Variants in SEPHS1 observed in about 807,000 individuals in gnomAD.
SEPHS1 encodes zincore component SEPHS1.
A neutral mutation model predicts 39.2 loss-of-function variants in SEPHS1; 7 were observed. The ratio of observed to expected loss-of-function variants is 0.18; its 90% CI spans 0.10 to 0.34. The LOEUF (loss-of-function observed/expected upper bound fraction) is 0.34, where lower values mean the gene tolerates loss of function less well. SEPHS1 is among the 10% of genes least tolerant of loss of function. The pLI is 1.00. For synonymous variants in SEPHS1, 190 were observed against 195.5 expected (o/e 0.97, Z 0.23); for missense variants, 253 against 514.5 (o/e 0.49, Z 4.92).
intron 5 of SEPHS1, among the ~76,000 whole-genome samples, chr10:13,332,161 G>T (rs1352736952): frequency 6.6e-6 from 1 of 152,156 alleles, no homozygotes; most frequent in Non-Finnish European, 1.5e-5. Context: ...ATAAAGCAGG[G>T]TCCATCCATG....
intron 7 of SEPHS1, among the ~76,000 whole-genome samples, chr10:13,324,611 T>A (rs950244348): frequency 2.6e-5 from 4 of 152,156 alleles, no homozygotes; most frequent in African/African-American, 9.7e-5. Context: ...GTATTATCAG[T>A]GTTTTTGGGT....
intron 8 of SEPHS1, among the ~76,000 whole-genome samples, chr10:13,321,296 T>C (rs1833106869): frequency 6.6e-6 from 1 of 151,638 alleles, no homozygotes; most frequent in Non-Finnish European, 1.5e-5. Context: ...GCCCAGGCTG[T>C]AGTGCAGTGG....
chr10:13,346,876 GAA>G (rs1833938130), intron 1 of SEPHS1, among the ~76,000 whole-genome samples: 2 of 152,064 alleles, frequency 1.3e-5, no homozygotes, highest in South Asian at 2.1e-4. Context: ...TTTAAGGGTG[GAA>G]AAAAGTTTAA....
intron 8 of SEPHS1, among the ~76,000 whole-genome samples, chr10:13,319,656 T>C (rs550976599): frequency 3.3e-5 from 5 of 152,238 alleles, no homozygotes; most frequent in African/African-American, 1.2e-4. Context: ...CCTGGCTAAT[T>C]TTCTGTAGAG....
At chr10:13,329,534 GTTAT>G (rs1049009259) in intron 6 of SEPHS1, 160 bp downstream of exon 6, 10 of 532,968 alleles carry the variant, frequency 1.9e-5, no homozygotes, top group African/African-American at 1.5e-4. Flanking sequence ...ATGCAAAACT[GTTAT>G]TTAAAGACTA....
chr10:13,333,401 G>GGGATT (rs1200468159), intron 5 of SEPHS1, among the ~76,000 whole-genome samples: 3 of 151,470 alleles, frequency 2.0e-5, no homozygotes, highest in African/African-American at 7.3e-5. Flanking sequence ...CAAAAGCGCT[G>GGGATT]GGATTACAGG....
chr10:13,347,014 AG>A (rs1308929758), intron 1 of SEPHS1, among the ~76,000 whole-genome samples: 3 of 151,520 alleles, frequency 2.0e-5, no homozygotes, highest in Non-Finnish European at 4.4e-5. Context: ...GGGAAGGGGG[AG>A]GGGGTTCTGG....
At chr10:13,320,162 G>A (rs951994654) in intron 8 of SEPHS1, among the ~76,000 whole-genome samples, 2 of 151,952 alleles carry the variant, frequency 1.3e-5, no homozygotes, top group Admixed American at 1.3e-4. Context: ...AACCTTTGTT[G>A]CTCTTTCCAG....
Position 13,319,119 on chromosome 10 carries a change from C to T in SEPHS1, c.*23G>A, listed in dbSNP as rs767239464. The T allele has an allele frequency of 3.1e-6, 5 of 1,605,588 alleles. No homozygotes were observed. Among genetic ancestry groups the T allele is most frequent in the Non-Finnish European group, 4.3e-6 (5 of 1,175,766 alleles). On this transcript the variant is annotated 3_prime_UTR_variant, in exon 9 of 9. Transcript: ENST00000327347. The stretch of plus-strand genomic sequence containing the variant: ...GAAATAGATCTATTTAAAAACAAAA[C>T]CAAACAGCTATTTCTGTCTAGATTA...
intron 7 of SEPHS1, among the ~76,000 whole-genome samples, chr10:13,326,132 G>A (rs938955941): frequency 6.6e-6 from 1 of 151,912 alleles, no homozygotes; most frequent in Non-Finnish European, 1.5e-5. Context: ...AGCACCATTT[G>A]GTGAAAAGAC....
At chr10:13,322,113 A>G (rs1311454977) in intron 8 of SEPHS1, 4 of 430,140 alleles carry the variant, frequency 9.3e-6, no homozygotes, top group East Asian at 7.1e-5. Flanking sequence ...ATCCTATTGC[A>G]TTCTTTTTTA....
intron 2 of SEPHS1, among the ~76,000 whole-genome samples, chr10:13,341,402 T>C (rs1180159630): frequency 1.3e-5 from 2 of 152,018 alleles, no homozygotes; most frequent in African/African-American, 4.8e-5. Context: ...ACATCCTCCA[T>C]CAGAAAGACA....
At chr10:13,335,137 T>C (rs1164541317) in intron 4 of SEPHS1, among the ~76,000 whole-genome samples, 1 of 152,210 alleles carries the variant, frequency 6.6e-6, no homozygotes, top group African/African-American at 2.4e-5. Context: ...CCTGTCTATC[T>C]AAATAGGAAT....
At chr10:13,347,762 C>A (rs1027508221) in intron 1 of SEPHS1, among the ~76,000 whole-genome samples, 1 of 145,062 alleles carries the variant, frequency 6.9e-6, no homozygotes, top group South Asian at 2.1e-4. Context: ...GCCCTCCCTC[C>A]CTCCTTCCCC....
intron 2 of SEPHS1, among the ~76,000 whole-genome samples, chr10:13,341,716 G>A (rs570870332): frequency 6.6e-6 from 1 of 152,222 alleles, no homozygotes; most frequent in Non-Finnish European, 1.5e-5. Context: ...CAGCACTTTG[G>A]GAGGCCGAGG....
In SEPHS1 at chr10:13,338,732, G is replaced by A; in HGVS notation, c.270C>T (p.Tyr90=). Residue 90 remains tyrosine, a synonymous_variant, in exon 3 of 9, where the codon TAC becomes TAT. Transcript: ENST00000327347. ...LSLVQTTDYI[Y]PIVDDPYMMG... ...TCATGTAAGGGTCGTCTACGATCGG[G>A]TAAATGTAATCTGTGGTTTGAACCA... The A allele has an allele frequency of 1.2e-6, 2 of 1,614,100 alleles. No individual in the cohort carries two copies. The highest frequency in any genetic ancestry group is 1.7e-6 in the Non-Finnish European group (2 of 1,179,926).
chr10:13,333,762 G>C (rs1344591885), intron 5 of SEPHS1, 55 bp downstream of exon 5: 3 of 1,568,688 alleles, frequency 1.9e-6, no homozygotes, highest in Middle Eastern at 2.0e-4. Context: ...TTTTTAAAAA[G>C]AGAGGACAGA....
rs372297316 is a variant in SEPHS1 at position 13,336,249 on chromosome 10, G to C, written c.399C>G (p.Thr133=). ...LMLLGVSNKM[T]DRERDKVMPL... is the part of the protein sequence containing the mutation. ...CCGGGTAGCTCCTACTTACCCTGTC[G>C]GTCATTTTATTACTGACTCCAAGGA... The change falls in exon 4 of 9, where the codon ACC becomes ACG. Residue 133 remains threonine (T), a synonymous_variant. Transcript: ENST00000327347. 1 of 1,609,736 alleles carries C rather than the reference G, an allele frequency of 6.2e-7. No homozygotes were observed. Among genetic ancestry groups the C allele is most frequent in the Non-Finnish European group, 8.5e-7 (1 of 1,176,398 alleles).
chr10:13,339,804 T>C (rs1380456537), intron 2 of SEPHS1, among the ~76,000 whole-genome samples: 1 of 152,222 alleles, frequency 6.6e-6, no homozygotes, highest in Non-Finnish European at 1.5e-5. Flanking sequence ...ATATTTGTTA[T>C]GCTGTACTGT....
Sources: allele counts gnomAD v4.1 joint callset (sites outside exome capture counted in the v4.1 genomes callset), GRCh38; gene constraint gnomAD v4.1.1; transcripts MANE v1.5; gene names NCBI Gene and HGNC (gene_info 2026-07-23, HGNC 2026-07-21).